Variants in USP49 observed in about 807,000 individuals in gnomAD.
USP49 encodes the protein ubiquitin carboxyl-terminal hydrolase 49.
In USP49, 24 loss-of-function variants were observed where a neutral mutation model predicts 58.6. The ratio of observed to expected loss-of-function variants is 0.41; its 90% CI spans 0.30 to 0.58. The LOEUF is 0.58. USP49 is among the 20% of genes least tolerant of loss of function. The pLI, the probability that USP49 is intolerant of heterozygous loss-of-function variation, is 0.30. For synonymous variants in USP49, 408 were observed against 365.1 expected (o/e 1.12, Z -1.34); for missense variants, 703 against 866.1 (o/e 0.81, Z 2.36).
intron 2 of USP49, among the ~76,000 whole-genome samples, chr6:41,884,321 C>T (rs1774670459): frequency 6.6e-6 from 1 of 152,162 alleles, no homozygotes; most frequent in African/African-American, 2.4e-5. Context: ...CCGCGCCAGG[C>T]CCATAACATA....
chr6:41,844,242 A>C (rs1773879940), intron 3 of USP49, among the ~76,000 whole-genome samples: 1 of 152,100 alleles, frequency 6.6e-6, no homozygotes, highest in Non-Finnish European at 1.5e-5. Flanking sequence ...AAAATAAATA[A>C]GCAAACAATT....
At position 41,796,920 on chromosome 6, in the gene USP49, C is replaced by T. The variant is rs150900852; in HGVS notation, c.1877-197G>A. The stretch of plus-strand genomic sequence containing the variant: ...CTGGCTTTAACCCCACCAAGCCCCA[C>T]GGTACTGCTTATCGACTGACTGCAA... On this transcript the variant is annotated intron_variant, in intron 7 of 7. Transcript: ENST00000682992. Among the ~76,000 whole-genome samples the T allele has an allele frequency of 6.1e-3, 919 of 150,936 alleles. 8 individuals are homozygous for T. Among genetic ancestry groups the T allele is most frequent in the African/African-American group, 0.019 (797 of 41,044 alleles).
chr6:41,876,913 G>A (rs1774513073), intron 2 of USP49, among the ~76,000 whole-genome samples: 1 of 152,188 alleles, frequency 6.6e-6, no homozygotes, highest in Non-Finnish European at 1.5e-5. Flanking sequence ...AGCGGGAAGA[G>A]AACTAAATAA....
At chr6:41,817,861 C>T (rs1773384604) in intron 3 of USP49, among the ~76,000 whole-genome samples, 2 of 152,128 alleles carry the variant, frequency 1.3e-5, no homozygotes, top group South Asian at 4.1e-4. Context: ...AGTGATCCAC[C>T]CACCTAGGTC....
chr6:41,842,653 T>C (rs1334408040), intron 3 of USP49, among the ~76,000 whole-genome samples: 1 of 152,098 alleles, frequency 6.6e-6, no homozygotes, highest in Non-Finnish European at 1.5e-5. Flanking sequence ...TCACAGCTAT[T>C]AATTATGAGG....
At chr6:41,890,610 G>C (rs1271947068) in intron 2 of USP49, among the ~76,000 whole-genome samples, 1 of 152,114 alleles carries the variant, frequency 6.6e-6, no homozygotes, top group African/African-American at 2.4e-5. Flanking sequence ...AGAGGTCCAG[G>C]CTGCAGTGAG....
intron 2 of USP49, among the ~76,000 whole-genome samples, chr6:41,872,588 A>AAAAG (rs1774430898): frequency 6.6e-6 from 1 of 151,470 alleles, no homozygotes; most frequent in Non-Finnish European, 1.5e-5. Flanking sequence ...TATATATATA[A>AAAAG]AAAGAAAGAA....
At chr6:41,879,652 GCA>G (rs1407723201) in intron 2 of USP49, among the ~76,000 whole-genome samples, 1 of 152,148 alleles carries the variant, frequency 6.6e-6, no homozygotes, top group African/African-American at 2.4e-5. Flanking sequence ...TCTGGACTAG[GCA>G]CAACTAGGGG....
rs377212482 is a variant in USP49, at chr6:41,797,693, A to G, written c.1877-970T>C. 1.1e-3 allele frequency: 1,056 copies of G among 985,876 alleles called. 10 individuals are homozygous for G. The South Asian group carries it at 0.026, about 24-fold the overall frequency. 61.1% of individuals were successfully genotyped at this position (985,876 alleles called of 1,614,324 possible). On this transcript the variant is annotated intron_variant, in intron 7 of 7. Coordinates refer to ENST00000682992, the MANE Select transcript of USP49 (RefSeq NM_001286554.2). The stretch of plus-strand genomic sequence containing the variant: ...AGCTGCGGCTAGTGAGATTCATACA[A>G]TATCTCCTTGAGGTTACACAGGTTC...
intron 2 of USP49, among the ~76,000 whole-genome samples, chr6:41,882,856 C>T (rs185014577): frequency 1.3e-5 from 2 of 151,324 alleles, no homozygotes; most frequent in Admixed American, 6.6e-5. Context: ...GCAGAGGTTG[C>T]GGTAAGCTGA....
intron 3 of USP49, among the ~76,000 whole-genome samples, chr6:41,811,548 A>AG (rs1773257682): frequency 6.6e-6 from 1 of 152,148 alleles, no homozygotes; most frequent in Non-Finnish European, 1.5e-5. Context: ...CCTAAGGATA[A>AG]GGGGGGAATA....
At chr6:41,807,921 G>A (rs1410158669) in intron 3 of USP49, among the ~76,000 whole-genome samples, 18 of 148,398 alleles carry the variant, frequency 1.2e-4, no homozygotes, top group African/African-American at 3.7e-4. Flanking sequence ...TTACAGGTGC[G>A]CGCACCACCA....
chr6:41,805,334 T>A (rs978995640), intron 4 of USP49, among the ~76,000 whole-genome samples: 1 of 152,184 alleles, frequency 6.6e-6, no homozygotes, highest in African/African-American at 2.4e-5. Context: ...TACTTAATTA[T>A]AACAATGAGA....
At position 41,870,688 on chromosome 6, in the gene USP49, A is replaced by ATTTTTTTTT. The variant is rs70987539; in HGVS notation, c.-29+867_-29+875dup. On this transcript the variant is annotated intron_variant, in intron 3 of 7. Coordinates refer to ENST00000682992, the MANE Select transcript of USP49 (RefSeq NM_001286554.2). Reference sequence around the variant, plus strand: ...AGTAGCTAGCCACCACACCTGGCTAATTTTTTTTTTTTTTTTTGGTAGAGA... The same window carrying ATTTTTTTTT: ...AGTAGCTAGCCACCACACCTGGCTAATTTTTTTTTTTTTTTTTTTTTTTTTTGGTAGAGA... Among the ~76,000 whole-genome samples, 65 of 116,008 alleles carry ATTTTTTTTT rather than the reference A, an allele frequency of 5.6e-4. 1 individual carries two copies. Among genetic ancestry groups the ATTTTTTTTT allele is most frequent in the African/African-American group, 1.6e-3 (49 of 30,900 alleles). The allele number at this position is 116,008 out of a possible 152,430, so 76.1% of individuals were successfully genotyped here. A position where few individuals can be genotyped will look rare whatever the true frequency, so the allele number is the denominator to read the frequency against.
Position 41,824,481 on chromosome 6 carries a change from C to T in USP49, c.-28-17470G>A, listed in dbSNP as rs539991477. On this transcript the variant is annotated intron_variant, in intron 3 of 7. Coordinates refer to ENST00000682992, the MANE Select transcript of USP49 (RefSeq NM_001286554.2). The stretch of plus-strand genomic sequence containing the variant: ...ATCTCAGCACTTTGGGAGGCCGAGG[C>T]GGGCAGATCACCTGAGGTCGGGAGT... 1.3e-3 allele frequency among the ~76,000 whole-genome samples: 193 copies of T among 151,456 alleles called. 1 individual carries two copies. Among genetic ancestry groups the T allele is most frequent in the African/African-American group, 4.5e-3 (188 of 41,320 alleles).
At position 41,794,848 on chromosome 6, in the gene USP49, C is replaced by T. The variant is rs912188455; in HGVS notation, c.*1685G>A. 1 of 152,206 alleles carries T rather than the reference C, an allele frequency of 6.6e-6. No individual in the cohort carries two copies. Among genetic ancestry groups the T allele is most frequent in the Non-Finnish European group, 1.5e-5 (1 of 68,038 alleles). The allele number at this position is 152,206 out of a possible 1,614,324, so 9.4% of individuals were successfully genotyped here. On this transcript the variant is annotated 3_prime_UTR_variant, in exon 8 of 8. Transcript: ENST00000682992. Reference sequence around the variant, plus strand: ...AAGCAAGTTTAATTTAAAATATAGTCACTCCTTCCCTATCAGGGTGAGCCA... The same window carrying T: ...AAGCAAGTTTAATTTAAAATATAGTTACTCCTTCCCTATCAGGGTGAGCCA...
intron 3 of USP49, among the ~76,000 whole-genome samples, chr6:41,820,860 G>C (rs905708221): frequency 6.6e-6 from 1 of 152,172 alleles, no homozygotes; most frequent in South Asian, 2.1e-4. Context: ...AATTATCTGG[G>C]TGTAGTGGCA....
At chr6:41,829,943 C>T (rs1042883639) in intron 3 of USP49, among the ~76,000 whole-genome samples, 5 of 152,028 alleles carry the variant, frequency 3.3e-5, no homozygotes, top group African/African-American at 1.2e-4. Context: ...GAAGAACTTC[C>T]CCTTTTAAAA....
At chr6:41,822,113 A>G (rs1330747518) in intron 3 of USP49, among the ~76,000 whole-genome samples, 3 of 152,210 alleles carry the variant, frequency 2.0e-5, no homozygotes, top group Admixed American at 6.5e-5. Context: ...TGCTACCACT[A>G]TAACAGTTAA....
Sources: allele counts gnomAD v4.1 joint callset (sites outside exome capture counted in the v4.1 genomes callset), GRCh38; gene constraint gnomAD v4.1.1; transcripts MANE v1.5; gene names NCBI Gene and HGNC (gene_info 2026-07-23, HGNC 2026-07-21).